CTNND2: variants seen among roughly 807,000 people sequenced by gnomAD.
The protein encoded by CTNND2 is catenin delta 2.
In CTNND2, 22 loss-of-function variants were observed where a neutral mutation model predicts 144.4. That is an observed-to-expected ratio of 0.15 (90% CI 0.11 to 0.22). CTNND2 has a LOEUF of 0.22. Ranked by LOEUF, CTNND2 falls within the 10% of genes least tolerant of loss-of-function variation. CTNND2 has a pLI of 1.00. For synonymous variants in CTNND2, 751 were observed against 695.6 expected (o/e 1.08, Z -1.25); for missense variants, 1,353 against 1,618.8 (o/e 0.84, Z 2.82).
chr5:11,792,210 G>C (rs1396545828), intron 1 of CTNND2, among the ~76,000 whole-genome samples: 1 of 152,066 alleles, frequency 6.6e-6, no homozygotes, highest in African/African-American at 2.4e-5. Context: ...AGGAAGAACT[G>C]ATAATAATTA....
At chr5:11,811,133 G>T (rs915685468) in intron 1 of CTNND2, among the ~76,000 whole-genome samples, 32 of 152,190 alleles carry the variant, frequency 2.1e-4, no homozygotes, top group Non-Finnish European at 4.6e-4. Flanking sequence ...CAGGGTCTGT[G>T]AAAGATGCTG....
chr5:11,047,235 G>A (rs1745353895), intron 16 of CTNND2, among the ~76,000 whole-genome samples: 1 of 152,202 alleles, frequency 6.6e-6, no homozygotes, highest in African/African-American at 2.4e-5. Context: ...AAAGCTGCCA[G>A]TACACACCTC....
intron 2 of CTNND2, among the ~76,000 whole-genome samples, chr5:11,674,596 T>G (rs1784070970): frequency 6.6e-6 from 1 of 152,266 alleles, no homozygotes; most frequent in Admixed American, 6.5e-5. Context: ...TGAAGAAACG[T>G]ATAACAACAT....
Position 11,401,980 on chromosome 5 carries a change from C to A in CTNND2, c.440-4777G>T, listed in dbSNP as rs1162050184. ...GCCACATGGTCTGATAATAATAAAACCTTCACAGGGATATTTTGGTCTTGA... is the reference window on the plus strand; with the variant it reads ...GCCACATGGTCTGATAATAATAAAAACTTCACAGGGATATTTTGGTCTTGA... On this transcript the variant is annotated intron_variant, in intron 5 of 21. Transcript: ENST00000304623. Among the ~76,000 whole-genome samples, 4 of 152,094 alleles carry A rather than the reference C, an allele frequency of 2.6e-5. No homozygotes were observed. In the East Asian group the frequency reaches 5.8e-4, roughly 22 times the overall value.
At chr5:11,000,436 G>A (rs1158138510) in intron 18 of CTNND2, among the ~76,000 whole-genome samples, 4 of 152,130 alleles carry the variant, frequency 2.6e-5, no homozygotes, top group Non-Finnish European at 5.9e-5. Context: ...CAGGAGAATC[G>A]CTTGAAACCG....
At chr5:11,617,299 C>A (rs532019105) in intron 2 of CTNND2, among the ~76,000 whole-genome samples, 2 of 152,288 alleles carry the variant, frequency 1.3e-5, no homozygotes, top group Admixed American at 1.3e-4. Context: ...ACTTCTCACC[C>A]CTGGAAGGAA....
intron 1 of CTNND2, among the ~76,000 whole-genome samples, chr5:11,732,713 TCCCATAACC>T (rs1787459991): frequency 6.6e-6 from 1 of 152,248 alleles, no homozygotes; most frequent in African/African-American, 2.4e-5. Context: ...GGCTCATATC[TCCCATAACC>T]CCCGTTATAG....
At chr5:11,677,508 G>C (rs1476697419) in intron 2 of CTNND2, among the ~76,000 whole-genome samples, 1 of 152,184 alleles carries the variant, frequency 6.6e-6, no homozygotes, top group African/African-American at 2.4e-5. Context: ...ATACCAGATA[G>C]ACTACTATAG....
intron 2 of CTNND2, among the ~76,000 whole-genome samples, chr5:11,572,616 C>G (rs1213399053): frequency 6.6e-6 from 1 of 152,104 alleles, no homozygotes; most frequent in Non-Finnish European, 1.5e-5. Context: ...CTCCTCCTTT[C>G]CTACGACTGA....
intron 7 of CTNND2, among the ~76,000 whole-genome samples, chr5:11,382,918 C>G (rs1276268754): frequency 6.6e-6 from 1 of 152,040 alleles, no homozygotes; most frequent in Non-Finnish European, 1.5e-5. Context: ...CTTCCCTGGG[C>G]CATAGTTTGC....
At chr5:11,224,369 T>G (rs767125983) in intron 10 of CTNND2, among the ~76,000 whole-genome samples, 4 of 152,316 alleles carry the variant, frequency 2.6e-5, no homozygotes, top group Non-Finnish European at 5.9e-5. Context: ...ACATCTCTCT[T>G]GTGTTCACAA....
intron 1 of CTNND2, among the ~76,000 whole-genome samples, chr5:11,765,964 C>A (rs558593602): frequency 1.1e-3 from 162 of 152,226 alleles, no homozygotes; most frequent in African/African-American, 3.8e-3. Flanking sequence ...AGATAGAAAG[C>A]AAAAGCTTGG....
intron 13 of CTNND2, among the ~76,000 whole-genome samples, chr5:11,111,740 C>A (rs911350784): frequency 6.6e-5 from 10 of 152,130 alleles, no homozygotes; most frequent in African/African-American, 2.4e-4. Flanking sequence ...CATGGTGTAC[C>A]CCTCTGTAAA....
intron 18 of CTNND2, among the ~76,000 whole-genome samples, chr5:11,008,975 C>T (rs922660903): frequency 3.3e-5 from 5 of 152,250 alleles, no homozygotes; most frequent in African/African-American, 1.2e-4. Flanking sequence ...CATGAACTTT[C>T]ATGCCCGCCC....
chr5:10,998,625 C>T (rs1739595934), intron 18 of CTNND2, among the ~76,000 whole-genome samples: 1 of 152,186 alleles, frequency 6.6e-6, no homozygotes, highest in Admixed American at 6.5e-5. Flanking sequence ...GTTCCGATGC[C>T]ACATACAGTT....
At chr5:10,992,960 A>G (rs534637280) in intron 18 of CTNND2, among the ~76,000 whole-genome samples, 1 of 152,264 alleles carries the variant, frequency 6.6e-6, no homozygotes, top group South Asian at 2.1e-4. Context: ...TTCGACTTCG[A>G]TGAAAATACG....
chr5:11,656,930 C>A (rs115456587), intron 2 of CTNND2, among the ~76,000 whole-genome samples: 1 of 152,038 alleles, frequency 6.6e-6, no homozygotes, highest in Non-Finnish European at 1.5e-5. Context: ...TGGCCCTCTG[C>A]GTATCATTCA....
At chr5:11,873,596 CG>C (rs1457530711) in intron 1 of CTNND2, among the ~76,000 whole-genome samples, 2 of 152,328 alleles carry the variant, frequency 1.3e-5, no homozygotes, top group South Asian at 2.1e-4. Flanking sequence ...GTCACCTCTC[CG>C]TTCTGAACCA....
chr5:11,770,623 T>A (rs1789879403), intron 1 of CTNND2, among the ~76,000 whole-genome samples: 1 of 152,118 alleles, frequency 6.6e-6, no homozygotes, highest in Admixed American at 6.6e-5. Flanking sequence ...CTGCACCCCT[T>A]CCCCTGAGGC....
Sources: gnomAD v4.1 joint callset for allele counts (sites outside exome capture counted in the v4.1 genomes callset) on GRCh38, gnomAD v4.1.1 for gene constraint, MANE v1.5 for transcripts, NCBI Gene and HGNC (gene_info 2026-07-23, HGNC 2026-07-21) for gene names.